Variants in GPHN observed in about 807,000 individuals in gnomAD.
GPHN encodes the protein gephyrin.
In GPHN, 17 loss-of-function variants were observed where a neutral mutation model predicts 95.5. The observed-to-expected ratio is 0.18, with a 90% CI of 0.12 to 0.27. The LOEUF is 0.27. Ranked by LOEUF, GPHN falls within the 10% of genes least tolerant of loss-of-function variation. The pLI, the probability that GPHN is intolerant of heterozygous loss-of-function variation, is 1.00. For synonymous variants in GPHN, 320 were observed against 322.5 expected, an observed-to-expected ratio of 0.99 and a Z score of 0.08; for missense variants, 660 against 978.1, an observed-to-expected ratio of 0.67 and a Z score of 4.34.
At chr14:67,330,148 AATAATAATT>A in the GPHN span, among the ~76,000 whole-genome samples, 4,398 of 148,554 alleles carry the variant, frequency 0.03, 88 homozygotes, top group Non-Finnish European at 0.036. Context: ...AAATAATAAT[AATAATAATT>A]ATTATTATTA....
the GPHN span, among the ~76,000 whole-genome samples, chr14:67,520,918 T>G: frequency 6.6e-6 from 1 of 152,228 alleles, no homozygotes; most frequent in Non-Finnish European, 1.5e-5. Context: ...ATGTAGCAAT[T>G]TTGCATTCCC....
intron 8 of GPHN, among the ~76,000 whole-genome samples, chr14:66,942,551 A>T (rs142560052): frequency 0.011 from 1,627 of 152,352 alleles, 16 homozygotes; most frequent in Non-Finnish European, 0.017. Context: ...ATCACCATTG[A>T]CAGAGAAGTT....
At chr14:66,549,370 TAGA>T (rs2059731120) in intron 1 of GPHN, among the ~76,000 whole-genome samples, 1 of 152,156 alleles carries the variant, frequency 6.6e-6, no homozygotes, top group South Asian at 2.1e-4. Flanking sequence ...GTAGCCTGGA[TAGA>T]AGATCAAACA....
At chr14:67,217,809 T>C in the GPHN span, among the ~76,000 whole-genome samples, 1 of 152,196 alleles carries the variant, frequency 6.6e-6, no homozygotes, top group East Asian at 1.9e-4. Context: ...TTTCTTATTA[T>C]TGATGTTTGT....
chr14:67,457,682 C>T, the GPHN span, among the ~76,000 whole-genome samples: 1 of 152,218 alleles, frequency 6.6e-6, no homozygotes, highest in Non-Finnish European at 1.5e-5. Flanking sequence ...TCACGGCCCC[C>T]CAGCTATAGG....
chr14:67,585,922 C>A, the GPHN span: 1 of 1,595,326 alleles, frequency 6.3e-7, no homozygotes, highest in South Asian at 1.1e-5. Context: ...TGGAAAGTTT[C>A]CCCACAACTG....
intron 7 of GPHN, among the ~76,000 whole-genome samples, chr14:66,923,862 C>T (rs1181598979): frequency 6.6e-6 from 1 of 151,216 alleles, no homozygotes; most frequent in Non-Finnish European, 1.5e-5. Context: ...ATTCAGTGAT[C>T]CAGTGAGTGC....
At chr14:66,838,258 A>G (rs1198720753) in intron 4 of GPHN, among the ~76,000 whole-genome samples, 2 of 152,162 alleles carry the variant, frequency 1.3e-5, no homozygotes, top group South Asian at 2.1e-4. Flanking sequence ...GGCACTAAAA[A>G]CAATATTTCC....
chr14:67,372,916 G>C, the GPHN span, among the ~76,000 whole-genome samples: 1 of 152,096 alleles, frequency 6.6e-6, no homozygotes, highest in Non-Finnish European at 1.5e-5. Flanking sequence ...CACTTTGCCA[G>C]AGAAGATAAT....
At chr14:66,870,168 T>C (rs2063377787) in intron 4 of GPHN, among the ~76,000 whole-genome samples, 1 of 152,164 alleles carries the variant, frequency 6.6e-6, no homozygotes, top group Non-Finnish European at 1.5e-5. Flanking sequence ...GATACAAACG[T>C]GAGAAAGACT....
the GPHN span, among the ~76,000 whole-genome samples, chr14:67,675,096 C>T: frequency 6.6e-6 from 1 of 152,226 alleles, no homozygotes; most frequent in Non-Finnish European, 1.5e-5. Context: ...CCGAATTCCT[C>T]GTTTCGCGTC....
chr14:67,627,442 C>A, the GPHN span, among the ~76,000 whole-genome samples: 1 of 151,842 alleles, frequency 6.6e-6, no homozygotes, highest in Admixed American at 6.6e-5. Context: ...TGATAGATAT[C>A]CATCTTTTCA....
chr14:67,113,357 G>A (rs2078488275), intron 16 of GPHN, among the ~76,000 whole-genome samples, 186 bp downstream of exon 16: 1 of 152,134 alleles, frequency 6.6e-6, no homozygotes, highest in Non-Finnish European at 1.5e-5. Flanking sequence ...TGAGAACAAA[G>A]AAGAACTAGT....
chr14:66,607,059 A>G (rs1420202043), intron 1 of GPHN, among the ~76,000 whole-genome samples: 3 of 152,092 alleles, frequency 2.0e-5, no homozygotes, highest in Non-Finnish European at 2.9e-5. Context: ...CCCATTCAGT[A>G]TGATGTTGGC....
At chr14:67,268,190 G>A in the GPHN span, among the ~76,000 whole-genome samples, 1 of 152,152 alleles carries the variant, frequency 6.6e-6, no homozygotes, top group Non-Finnish European at 1.5e-5. Context: ...TTATATAGAG[G>A]TTCCCCTTCC....
the GPHN span, among the ~76,000 whole-genome samples, chr14:67,634,255 C>G: frequency 3.3e-5 from 5 of 151,994 alleles, no homozygotes; most frequent in Non-Finnish European, 7.4e-5. Context: ...ACGTATGACT[C>G]AAAGGATAAC....
intron 10 of GPHN, among the ~76,000 whole-genome samples, chr14:67,037,512 C>A (rs2074481200): frequency 2.0e-5 from 3 of 151,580 alleles, no homozygotes; most frequent in Non-Finnish European, 3.0e-5. Context: ...AAAATGGCAA[C>A]AACAGAATGG....
the GPHN span, among the ~76,000 whole-genome samples, chr14:67,278,316 G>A: frequency 6.6e-6 from 1 of 151,036 alleles, no homozygotes; most frequent in Admixed American, 6.6e-5. Context: ...GATTACAGGC[G>A]TGAGCCACTG....
At chr14:67,480,234 G>A in the GPHN span, among the ~76,000 whole-genome samples, 3 of 152,158 alleles carry the variant, frequency 2.0e-5, no homozygotes, top group African/African-American at 4.8e-5. Context: ...CCCTGCTCTC[G>A]GCAGCCTCCA....
Sources: allele counts gnomAD v4.1 joint callset (sites outside exome capture counted in the v4.1 genomes callset), GRCh38; gene constraint gnomAD v4.1.1; transcripts MANE v1.5; gene names NCBI Gene and HGNC (gene_info 2026-07-23, HGNC 2026-07-21).